Variants in ELF2 observed in about 807,000 individuals in gnomAD.
The protein encoded by ELF2 is E74 like ETS transcription factor 2, also known as ETS-related transcription factor Elf-2.
Under a neutral mutation model 54.8 loss-of-function variants are expected in ELF2, and 11 were observed. That is an observed-to-expected ratio of 0.20 (90% confidence interval 0.13 to 0.33). The LOEUF (loss-of-function observed/expected upper bound fraction) is 0.33, where lower values mean the gene tolerates loss of function less well. ELF2 is among the 10% of genes least tolerant of loss of function. The pLI is 1.00. For missense variants in ELF2, 513 were observed against 703.0 expected (o/e 0.73, Z 3.06); for synonymous variants, 203 against 245.1 (o/e 0.83, Z 1.61).
chr4:139,167,622 C>A (rs916631072), intron 1 of ELF2, among the ~76,000 whole-genome samples: 1 of 152,162 alleles, frequency 6.6e-6, no homozygotes, highest in Non-Finnish European at 1.5e-5. Flanking sequence ...TACCTGCAAA[C>A]TGGCCTAGAT....
At chr4:139,135,276 TGTGTATATATGA>T (rs1262385369) in intron 3 of ELF2, among the ~76,000 whole-genome samples, 3 of 144,378 alleles carry the variant, frequency 2.1e-5, no homozygotes, top group African/African-American at 7.9e-5. Context: ...TGTGTGTGTG[TGTGTATATATGA>T]ATGAAACATT....
At chr4:139,114,308 C>T (rs1387424073) in intron 4 of ELF2, among the ~76,000 whole-genome samples, 2 of 152,068 alleles carry the variant, frequency 1.3e-5, no homozygotes, top group African/African-American at 4.8e-5. Flanking sequence ...TGGTTGCTCA[C>T]GCCTGTAATC....
At chr4:139,161,741 C>T (rs1324884841) in intron 1 of ELF2, among the ~76,000 whole-genome samples, 3 of 148,838 alleles carry the variant, frequency 2.0e-5, no homozygotes, top group Admixed American at 1.3e-4. Context: ...GAGGCTGAGA[C>T]GGGCGAATCA....
chr4:139,121,438 C>T (rs1232848663), intron 4 of ELF2, among the ~76,000 whole-genome samples: 6 of 151,838 alleles, frequency 4.0e-5, no homozygotes, highest in Non-Finnish European at 8.8e-5. Flanking sequence ...TCTATCAACA[C>T]TTATTTATTA....
intron 4 of ELF2, among the ~76,000 whole-genome samples, chr4:139,094,983 AC>A (rs1733096120): frequency 6.6e-6 from 1 of 152,158 alleles, no homozygotes; most frequent in Non-Finnish European, 1.5e-5. Flanking sequence ...AACAATGTTA[AC>A]AGTTTATCTG....
intron 1 of ELF2, among the ~76,000 whole-genome samples, chr4:139,156,422 A>G (rs1578950461): frequency 6.6e-6 from 1 of 151,880 alleles, no homozygotes; most frequent in Admixed American, 6.6e-5. Flanking sequence ...CTCGTGATCC[A>G]CCCACCTTGG....
intron 4 of ELF2, among the ~76,000 whole-genome samples, chr4:139,115,533 G>C (rs143671463): frequency 1.3e-5 from 2 of 151,414 alleles, no homozygotes; most frequent in Non-Finnish European, 2.9e-5. Context: ...TGGCCTGGCC[G>C]CGCCCCCTGA....
At chr4:139,151,667 T>C (rs1254843069) in intron 1 of ELF2, among the ~76,000 whole-genome samples, 1 of 152,206 alleles carries the variant, frequency 6.6e-6, no homozygotes, top group Non-Finnish European at 1.5e-5. Context: ...TACCTAATTT[T>C]ATATAACTAG....
Position 139,058,734 on chromosome 4 carries a change from T to C in ELF2, c.*249A>G, listed in dbSNP as rs1389784093. On this transcript the variant is annotated 3_prime_UTR_variant, in exon 10 of 10. Coordinates refer to ENST00000686138, the MANE Select transcript of ELF2 (RefSeq NM_001331036.3). Reference sequence around the variant, plus strand: ...TAGTGAGCTGCTTGGTCCCTTTCGATCCTTTTTCTTATTGATGGGTTCAGT... The same window carrying C: ...TAGTGAGCTGCTTGGTCCCTTTCGACCCTTTTTCTTATTGATGGGTTCAGT... The C allele has an allele frequency of 2.3e-6, 1 of 441,170 alleles. No homozygotes were observed. The highest frequency in any genetic ancestry group is 3.9e-6 in the Non-Finnish European group (1 of 253,672). The allele number at this position is 441,170 out of a possible 1,614,324, so 27.3% of individuals were successfully genotyped here.
intron 7 of ELF2, among the ~76,000 whole-genome samples, chr4:139,062,773 A>G (rs1728069278): frequency 6.6e-6 from 1 of 152,252 alleles, no homozygotes; most frequent in South Asian, 2.1e-4. Context: ...GCAAAATACA[A>G]CGAAATGTGT....
rs1738183494 is a variant in ELF2, at chr4:139,136,641, T to C, written c.72+989A>G. On this transcript the variant is annotated intron_variant, in intron 3 of 9. Coordinates refer to ENST00000686138, the MANE Select transcript of ELF2 (RefSeq NM_001331036.3). ...TATTATGACGGCTATTGAATTATAATTAGATCCCTTCCAATATTCACTCTT... is the reference window on the plus strand; with the variant it reads ...TATTATGACGGCTATTGAATTATAACTAGATCCCTTCCAATATTCACTCTT... The C allele has an allele frequency of 2.0e-5, 3 of 151,944 alleles. No homozygotes were observed. In the South Asian group the frequency reaches 6.2e-4, roughly 32 times the overall value. The allele number at this position is 151,944 out of a possible 1,614,324, so 9.4% of individuals were successfully genotyped here.
At chr4:139,093,848 CTT>C (rs543132406) in intron 4 of ELF2, among the ~76,000 whole-genome samples, 41 of 150,504 alleles carry the variant, frequency 2.7e-4, no homozygotes, top group African/African-American at 9.7e-4. Flanking sequence ...TATTACTACT[CTT>C]TTTAAAATAT....
In ELF2 at chr4:139,080,698, C is replaced by T. The variant is rs181956999; in HGVS notation, c.239-7131G>A. On this transcript the variant is annotated intron_variant, in intron 4 of 9. Transcript: ENST00000686138. ...TTCCAGAAAATCCAGACTGTTCATACACAATACTTTAACATAAATATTAGG... is the reference window on the plus strand; with the variant it reads ...TTCCAGAAAATCCAGACTGTTCATATACAATACTTTAACATAAATATTAGG... Among the ~76,000 whole-genome samples, 612 of 152,136 alleles carry T rather than the reference C, an allele frequency of 4.0e-3. 5 individuals are homozygous for T. The highest frequency in any genetic ancestry group is 0.013 in the African/African-American group (520 of 41,542).
upstream of ELF2, among the ~76,000 whole-genome samples, chr4:139,177,842 G>A (rs566339109): frequency 1.5e-4 from 23 of 152,286 alleles, no homozygotes; most frequent in African/African-American, 5.1e-4. Flanking sequence ...CAGTTACAGG[G>A]GGGCGAGGTT....
chr4:139,080,640 A>T (rs960875629), intron 4 of ELF2, among the ~76,000 whole-genome samples: 13 of 152,182 alleles, frequency 8.5e-5, no homozygotes, highest in African/African-American at 3.1e-4. Flanking sequence ...GGAAAAAGTC[A>T]AGAAAGGTAT....
intron 1 of ELF2, among the ~76,000 whole-genome samples, chr4:139,153,719 T>C (rs1419802245): frequency 6.6e-6 from 1 of 152,192 alleles, no homozygotes; most frequent in African/African-American, 2.4e-5. Context: ...TAAAAGCTTA[T>C]CTTCACAGGT....
chr4:139,057,894 T>C lies in ELF2; in HGVS notation c.*1089A>G, dbSNP rs1281651908. 1 of 152,586 alleles carries C rather than the reference T, an allele frequency of 6.6e-6. No homozygotes were observed. Among genetic ancestry groups the C allele is most frequent in the African/African-American group, 2.4e-5 (1 of 41,432 alleles). 9.5% of individuals were successfully genotyped at this position (152,586 alleles called of 1,614,324 possible). The stretch of plus-strand genomic sequence containing the variant: ...CATTTCTATATTTCAGAAAACCTAC[T>C]TGAATACACTTTGAAACAAGAGTAC... On this transcript the variant is annotated 3_prime_UTR_variant, in exon 10 of 10. Transcript: ENST00000686138.
rs142843719 is a variant in ELF2, at chr4:139,099,080, C to T, written c.239-25513G>A. ...GTTCTGGATGTTTAAAATAAATGTC[C>T]CTCTTTTCACTTCTCATCTTTTCCA... is the stretch of plus-strand genomic sequence containing the variant. On this transcript the variant is annotated intron_variant, in intron 4 of 9. Transcript: ENST00000686138. Among the ~76,000 whole-genome samples the T allele has an allele frequency of 3.1e-3, 475 of 152,126 alleles. 2 individuals are homozygous for T. Among genetic ancestry groups the T allele is most frequent in the African/African-American group, 0.011 (439 of 41,472 alleles).
intron 3 of ELF2, among the ~76,000 whole-genome samples, chr4:139,136,459 T>C (rs1438900130): frequency 1.3e-5 from 2 of 151,128 alleles, no homozygotes; most frequent in Admixed American, 6.6e-5. Flanking sequence ...CACAGACTGA[T>C]GTCCTAACTT....
Sources: gnomAD v4.1 joint callset for allele counts (sites outside exome capture counted in the v4.1 genomes callset) on GRCh38, gnomAD v4.1.1 for gene constraint, MANE v1.5 for transcripts, NCBI Gene and HGNC (gene_info 2026-07-23, HGNC 2026-07-21) for gene names.